VSX2: variants seen among roughly 807,000 people sequenced by gnomAD.
VSX2 encodes visual system homeobox 2, also known as ceh-10 homeo domain containing homolog.
In VSX2, 28 loss-of-function variants were observed where a neutral mutation model predicts 32.1. That is an observed-to-expected ratio of 0.87 (90% CI 0.65 to 1.20). The LOEUF (loss-of-function observed/expected upper bound fraction) is 1.20. VSX2 is among the 50% of genes most tolerant of loss of function. The pLI is 0.00. For synonymous variants in VSX2, 243 were observed against 214.1 expected (o/e 1.14, Z -1.18); for missense variants, 506 against 488.7 (o/e 1.04, Z -0.33).
rs564623030 is a variant in VSX2 at position 74,247,099 on chromosome 14, G to T, written c.579+1811G>T. 5.3e-5 allele frequency among the ~76,000 whole-genome samples: 8 copies of T among 152,134 alleles called. 2 individuals are homozygous for T. The South Asian group carries it at 1.7e-3, about 32-fold the overall frequency. On this transcript the variant is annotated intron_variant, in intron 3 of 4. Transcript: ENST00000261980. ...AATTTGTGGATATCGGAGAAATGAG[G>T]AAAGAGTCTCAGAGCCTTTGAGCAC...
At chr14:74,251,109 G>A (rs1384251704) in intron 3 of VSX2, among the ~76,000 whole-genome samples, 1 of 151,964 alleles carries the variant, frequency 6.6e-6, no homozygotes, top group Non-Finnish European at 1.5e-5. Flanking sequence ...GAGGTCAGGA[G>A]TTCGAGACCA....
At chr14:74,241,559 G>C (rs1157582253) in intron 2 of VSX2, among the ~76,000 whole-genome samples, 1 of 152,222 alleles carries the variant, frequency 6.6e-6, no homozygotes, top group Non-Finnish European at 1.5e-5. Flanking sequence ...CAGAGTGGGG[G>C]CGGTCCCCAG....
intron 3 of VSX2, among the ~76,000 whole-genome samples, chr14:74,248,499 C>T (rs1405596082): frequency 1.3e-5 from 2 of 151,710 alleles, no homozygotes; most frequent in East Asian, 3.9e-4. Flanking sequence ...CCAGCCTGGA[C>T]AACATAGTGA....
At chr14:74,240,000 C>G (rs2079138915) in intron 1 of VSX2, 69 bp downstream of exon 1, 12 of 1,529,762 alleles carry the variant, frequency 7.8e-6, no homozygotes, top group Non-Finnish European at 1.1e-5. Context: ...GCCGTCGGCT[C>G]TCGCTTGCTG....
chr14:74,248,873 C>T (rs2079212102), intron 3 of VSX2, among the ~76,000 whole-genome samples: 2 of 152,204 alleles, frequency 1.3e-5, no homozygotes, highest in African/African-American at 4.8e-5. Context: ...GGTGAGATCC[C>T]TTCCAGGGAG....
chr14:74,260,644 G>A lies in VSX2; in HGVS notation c.811G>A (p.Glu271Lys), dbSNP rs775056066. Residue 271 changes from glutamate to lysine, a missense_variant, in exon 5 of 5, where the codon GAG becomes AAG. Glu to Lys is a moderately conservative substitution (Grantham distance 56). Transcript: ENST00000261980. ...AGCAGCCGAGTCGGGGAGGAAGCCC[G>A]AGGGGGAACGCCAGGCCCTGCCCAA... Reference protein sequence around the residue: ...EAAAESGRKPEGERQALPKLD... With the variant: ...EAAAESGRKPKGERQALPKLD... 1.2e-5 allele frequency: 19 copies of A among 1,606,010 alleles called. No individual in the cohort carries two copies. The highest frequency in any genetic ancestry group is 1.7e-4 in the Middle Eastern group (1 of 6,050).
Position 74,260,987 on chromosome 14 carries a change from T to C in VSX2, c.*68T>C. 4 of 1,529,210 alleles carry C rather than the reference T, an allele frequency of 2.6e-6. No homozygotes were observed. The highest frequency in any genetic ancestry group is 2.4e-5 in the South Asian group (2 of 83,336). The allele number at this position is 1,529,210 out of a possible 1,614,324, so 94.7% of individuals were successfully genotyped here. A position where few individuals can be genotyped will look rare whatever the true frequency, so the allele number is the denominator to read the frequency against. The stretch of plus-strand genomic sequence containing the variant: ...CCTCGGGCCCTGTGGTGCTGGGAGA[T>C]GCTCTCTGAGGCAAGGCCCAGACCT... On this transcript the variant is annotated 3_prime_UTR_variant, in exon 5 of 5. Transcript: ENST00000261980.
chr14:74,262,525 CT>C lies in VSX2; in HGVS notation c.*1607del, dbSNP rs2139647880. 1 of 152,374 alleles carries C rather than the reference CT, an allele frequency of 6.6e-6. No individual in the cohort carries two copies. Among genetic ancestry groups the C allele is most frequent in the Non-Finnish European group, 1.5e-5 (1 of 68,058 alleles). 9.4% of individuals were successfully genotyped at this position (152,374 alleles called of 1,614,324 possible). A position where few individuals can be genotyped will look rare whatever the true frequency, so the allele number is the denominator to read the frequency against. On this transcript the variant is annotated 3_prime_UTR_variant, in exon 5 of 5. Transcript: ENST00000261980. ...TTCCATTTATGGAACTTCCCTCCCC[CT>C]AGTCCGGTTCTTCTTGTCTTTGTCC... is the stretch of plus-strand genomic sequence containing the variant.
chr14:74,246,194 G>A (rs1204567287), intron 3 of VSX2, among the ~76,000 whole-genome samples: 4 of 152,242 alleles, frequency 2.6e-5, no homozygotes, highest in East Asian at 1.9e-4. Flanking sequence ...TGCTCCCATC[G>A]CCTGAGCGGT....
At chr14:74,251,023 A>G (rs2079224987) in intron 3 of VSX2, among the ~76,000 whole-genome samples, 2 of 152,038 alleles carry the variant, frequency 1.3e-5, no homozygotes, top group African/African-American at 2.4e-5. Context: ...GTTTAAAATC[A>G]AACATCTTCG....
Position 74,261,226 on chromosome 14 carries a change from C to A in VSX2, c.*307C>A. The stretch of plus-strand genomic sequence containing the variant: ...GCAACGCTCACTGGTTTTGGCCACC[C>A]CTTGCTCTCTGTTCTCTTGCTTTAA... On this transcript the variant is annotated 3_prime_UTR_variant, in exon 5 of 5. Transcript: ENST00000261980. 2.3e-6 allele frequency: 1 copy of A among 437,116 alleles called. No individual in the cohort carries two copies. Among genetic ancestry groups the A allele is most frequent in the East Asian group, 3.7e-5 (1 of 27,074 alleles). The allele number at this position is 437,116 out of a possible 1,614,324, so 27.1% of individuals were successfully genotyped here. A position where few individuals can be genotyped will look rare whatever the true frequency, so the allele number is the denominator to read the frequency against.
At position 74,239,665 on chromosome 14, in the gene VSX2, A is replaced by G. The variant is rs1230845124; in HGVS notation, c.104A>G (p.Gln35Arg). Residue 35 changes from glutamine to arginine, a missense_variant, in exon 1 of 5, where the codon CAG becomes CGG. Physicochemically the swap from Gln to Arg is conservative, Grantham distance 43. Transcript: ENST00000261980. The part of the protein sequence containing the change: ...APARCTGFGI[Q>R]EILGLNKEPP... ...GCCAGGTGCACTGGGTTCGGCATCCAGGAGATCCTGGGCTTGAACAAGGAG... is the reference window on the plus strand; with the variant it reads ...GCCAGGTGCACTGGGTTCGGCATCCGGGAGATCCTGGGCTTGAACAAGGAG... 7.1e-6 allele frequency: 11 copies of G among 1,550,496 alleles called. No homozygotes were observed. The Admixed American group carries it at 1.8e-4, about 25-fold the overall frequency.
chr14:74,240,167 G>A lies in VSX2; in HGVS notation c.370+236G>A, dbSNP rs1007593392. Among the ~76,000 whole-genome samples the A allele has an allele frequency of 2.0e-5, 3 of 152,172 alleles. No homozygotes were observed. The East Asian group carries it at 5.8e-4, about 29-fold the overall frequency. The stretch of plus-strand genomic sequence containing the variant: ...GCGGCCGCGCAGTTCTCCAGTCCCC[G>A]CGTCGGGCAGGGCTCGGCCACGGCA... On this transcript the variant is annotated intron_variant, in intron 1 of 4. Coordinates refer to ENST00000261980, the MANE Select transcript of VSX2 (RefSeq NM_182894.3).
chr14:74,256,561 C>T (rs1377174822), intron 3 of VSX2, among the ~76,000 whole-genome samples: 1 of 152,122 alleles, frequency 6.6e-6, no homozygotes, highest in African/African-American at 2.4e-5. Flanking sequence ...TATTCATGAA[C>T]CAAACCTCTC....
At chr14:74,244,998 G>GAGAGAC (rs2079182020) in intron 2 of VSX2, among the ~76,000 whole-genome samples, 167 bp from the exon 3 acceptor site, 1 of 137,790 alleles carries the variant, frequency 7.3e-6, no homozygotes, top group Non-Finnish European at 1.6e-5. Flanking sequence ...GAGAGAGAGA[G>GAGAGAC]AGAGAGAGAC....
rs1343038674 is a variant in VSX2 at position 74,261,011 on chromosome 14, C to T, written c.*92C>T. The T allele has an allele frequency of 4.2e-6, 6 of 1,439,006 alleles. No homozygotes were observed. In the Admixed American group the frequency reaches 8.1e-5, roughly 19 times the overall value. The allele number at this position is 1,439,006 out of a possible 1,614,324, so 89.1% of individuals were successfully genotyped here. A position where few individuals can be genotyped will look rare whatever the true frequency, so the allele number is the denominator to read the frequency against. ...ATGCTCTCTGAGGCAAGGCCCAGAC[C>T]TGGCCTCTGCCATCCTCCCTGTTCC... On this transcript the variant is annotated 3_prime_UTR_variant, in exon 5 of 5. Coordinates refer to ENST00000261980, the MANE Select transcript of VSX2 (RefSeq NM_182894.3).
intron 2 of VSX2, among the ~76,000 whole-genome samples, chr14:74,243,508 A>T (rs1478163471): frequency 6.6e-6 from 1 of 151,996 alleles, no homozygotes; most frequent in Non-Finnish European, 1.5e-5. Flanking sequence ...GTTCTACATG[A>T]CCTATAATCG....
Position 74,257,479 on chromosome 14 carries a change from G to C in VSX2, c.580-2123G>C, listed in dbSNP as rs1345986417. ...GCATCTAAGGCCGTGTAGCTCCCAT[G>C]TTTAGAGGCTCCCAGTTATTTACAA... is the stretch of plus-strand genomic sequence containing the variant. On this transcript the variant is annotated intron_variant, in intron 3 of 4. Transcript: ENST00000261980. Among the ~76,000 whole-genome samples the C allele has an allele frequency of 2.0e-5, 3 of 152,362 alleles. No homozygotes were observed. The East Asian group carries it at 5.8e-4, about 29-fold the overall frequency.
intron 3 of VSX2, among the ~76,000 whole-genome samples, chr14:74,248,232 A>G (rs545123828): frequency 6.7e-6 from 1 of 149,302 alleles, no homozygotes; most frequent in South Asian, 2.2e-4. Flanking sequence ...CCAAGTCTGG[A>G]GTTAGAAATT....
Sources: gnomAD v4.1 joint callset for allele counts (sites outside exome capture counted in the v4.1 genomes callset) on GRCh38, gnomAD v4.1.1 for gene constraint, MANE v1.5 for transcripts, NCBI Gene and HGNC (gene_info 2026-07-23, HGNC 2026-07-21) for gene names.